DOCK4: variants seen among roughly 807,000 people sequenced by gnomAD.
DOCK4 encodes dedicator of cytokinesis protein 4.
DOCK4 carries 97 observed loss-of-function variants against 268.1 expected under a neutral mutation model. That is an observed-to-expected ratio of 0.36 (90% CI 0.31 to 0.43). DOCK4 has a LOEUF of 0.43. Ranked by LOEUF, DOCK4 falls within the 20% of genes least tolerant of loss-of-function variation. The pLI is 1.00. For synonymous variants in DOCK4, 954 were observed against 887.2 expected, an observed-to-expected ratio of 1.08 and a Z score of -1.34; for missense variants, 2,145 against 2,455.7, an observed-to-expected ratio of 0.87 and a Z score of 2.67.
intron 15 of DOCK4, among the ~76,000 whole-genome samples, chr7:111,897,885 C>A (rs1210647804): frequency 6.6e-6 from 1 of 152,236 alleles, no homozygotes; most frequent in African/African-American, 2.4e-5. Context: ...ATGATCACTT[C>A]ATTCTCAGGC....
At position 111,728,632 on chromosome 7, in the gene DOCK4, C is replaced by T; in HGVS notation, c.5570G>A (p.Ser1857Asn). 2 of 1,614,018 alleles carry T rather than the reference C, an allele frequency of 1.2e-6. No individual in the cohort carries two copies. The highest frequency in any genetic ancestry group is 1.7e-6 in the Non-Finnish European group (2 of 1,179,890). ...CCGGCTGAGAGAAGAAATCCCACTG[C>T]TGTAGCTGCCCGACAAGACAGGGGA... ...SNSPVLSGSY[S>N]SGISSLSRCS... Residue 1857 changes from serine (S) to asparagine (N), a missense_variant, in exon 53 of 53, where the codon AGC (serine) becomes AAC (asparagine). Around this residue, in one of 2 missense-constraint regions of DOCK4, gnomAD observed 547 missense variants for 469.0 expected, o/e 1.17. Coordinates refer to ENST00000428084, the MANE Select transcript of DOCK4 (RefSeq NM_001363540.2).
intron 1 of DOCK4, among the ~76,000 whole-genome samples, chr7:112,131,913 G>T (rs530522494): frequency 6.6e-6 from 1 of 152,262 alleles, no homozygotes; most frequent in South Asian, 2.1e-4. Flanking sequence ...AGACGCCAGT[G>T]TCCTACAGGG....
At chr7:111,926,666 A>G (rs1793719376) in intron 12 of DOCK4, among the ~76,000 whole-genome samples, 1 of 150,572 alleles carries the variant, frequency 6.6e-6, no homozygotes, top group Non-Finnish European at 1.5e-5. Flanking sequence ...ACTAAAATAC[A>G]ATAAATAAAT....
At chr7:111,800,600 T>G (rs79429060) in intron 30 of DOCK4, among the ~76,000 whole-genome samples, 15,854 of 152,216 alleles carry the variant, frequency 0.1, 1,013 homozygotes, top group Middle Eastern at 0.17. Context: ...TTATGGTCTA[T>G]AGGACCCCCA....
At chr7:111,762,787 G>T (rs1165220108) in intron 39 of DOCK4, among the ~76,000 whole-genome samples, 34 of 19,616 alleles carry the variant, frequency 1.7e-3, no homozygotes, top group East Asian at 6.6e-3. Flanking sequence ...TTTTTTTTTT[G>T]GAGACAGGGT....
At chr7:112,021,106 C>A (rs1224412957) in intron 1 of DOCK4, among the ~76,000 whole-genome samples, 1 of 152,134 alleles carries the variant, frequency 6.6e-6, no homozygotes, top group Non-Finnish European at 1.5e-5. Context: ...AAAGCTGACG[C>A]CCAAAGCCAT....
At position 111,758,706 on chromosome 7, in the gene DOCK4, A is replaced by C; in HGVS notation, c.4247T>G (p.Phe1416Cys). ...REGVPDNIKS[F>C]YKVNHIWKFR... ...TTTCCAGATGTGATTCACTTTATAGAAGCTTTTGATGTTGTCCGGAACACC... is the reference window on the plus strand; with the variant it reads ...TTTCCAGATGTGATTCACTTTATAGCAGCTTTTGATGTTGTCCGGAACACC... The change falls in exon 41 of 53, where the codon TTC becomes TGC. Residue 1416 changes from phenylalanine (F) to cysteine (C), a missense_variant. Phe to Cys is a radical substitution (Grantham distance 205). Coordinates refer to ENST00000428084, the MANE Select transcript of DOCK4 (RefSeq NM_001363540.2). The C allele has an allele frequency of 6.2e-7, 1 of 1,613,930 alleles. No individual in the cohort carries two copies. The highest frequency in any genetic ancestry group is 8.5e-7 in the Non-Finnish European group (1 of 1,179,878).
In DOCK4 at chr7:111,895,677, C is replaced by A; in HGVS notation, c.1522G>T (p.Val508Phe). 1.2e-6 allele frequency: 2 copies of A among 1,613,848 alleles called. No homozygotes were observed. The highest frequency in any genetic ancestry group is 1.7e-6 in the Non-Finnish European group (2 of 1,179,842). The change falls in exon 16 of 53, where the codon GTC becomes TTC. Residue 508 changes from valine (V) to phenylalanine (F), a missense_variant. By Grantham distance (50) the Val-to-Phe change is conservative. Around this residue, in one of 2 missense-constraint regions of DOCK4, gnomAD observed 1,598 missense variants for 1,986.7 expected, o/e 0.80. Coordinates refer to ENST00000428084, the MANE Select transcript of DOCK4 (RefSeq NM_001363540.2). The part of the protein sequence containing the change: ...GEKKLFGFSF[V>F]PLMQEDGRTL... Reference sequence around the variant, plus strand: ...CTACCATCTTCTTGCATCAGAGGGACAAAAGAAAACCCAAACAACTTCTTC... The same window carrying A: ...CTACCATCTTCTTGCATCAGAGGGAAAAAAGAAAACCCAAACAACTTCTTC...
chr7:111,803,403 A>G (rs1800445019), intron 30 of DOCK4, among the ~76,000 whole-genome samples: 1 of 152,134 alleles, frequency 6.6e-6, no homozygotes, highest in African/African-American at 2.4e-5. Flanking sequence ...TACTTTCTCT[A>G]CCTCTAATTG....
At chr7:112,145,364 C>G (rs1358190213) in intron 1 of DOCK4, among the ~76,000 whole-genome samples, 1 of 152,162 alleles carries the variant, frequency 6.6e-6, no homozygotes, top group South Asian at 2.1e-4. Context: ...AACATAGGAA[C>G]ATACACATAC....
At chr7:111,952,967 T>C (rs1796170641) in intron 8 of DOCK4, among the ~76,000 whole-genome samples, 1 of 152,166 alleles carries the variant, frequency 6.6e-6, no homozygotes. Context: ...GACTCACGCC[T>C]GAAATCCCAG....
chr7:112,006,453 C>G (rs1338281264), intron 1 of DOCK4, among the ~76,000 whole-genome samples: 1 of 152,202 alleles, frequency 6.6e-6, no homozygotes, highest in East Asian at 1.9e-4. Context: ...TTGTTTAAAA[C>G]TGGGATGACA....
intron 12 of DOCK4, among the ~76,000 whole-genome samples, chr7:111,920,884 G>C (rs1001410979): frequency 6.6e-6 from 1 of 151,934 alleles, no homozygotes; most frequent in African/African-American, 2.4e-5. Flanking sequence ...GAATTGGAAA[G>C]CTTAGGAAAT....
intron 12 of DOCK4, among the ~76,000 whole-genome samples, chr7:111,916,954 CA>C (rs1187013301): frequency 6.7e-6 from 1 of 149,812 alleles, no homozygotes; most frequent in Non-Finnish European, 1.5e-5. Flanking sequence ...TTTTATCCCT[CA>C]CCCACCTCCC....
chr7:112,074,656 C>A (rs921355999), intron 1 of DOCK4, among the ~76,000 whole-genome samples: 1 of 152,204 alleles, frequency 6.6e-6, no homozygotes, highest in African/African-American at 2.4e-5. Flanking sequence ...CCAGGCAACA[C>A]TTCATCTGGG....
intron 1 of DOCK4, among the ~76,000 whole-genome samples, chr7:112,041,313 G>T (rs894100175): frequency 6.6e-6 from 1 of 152,126 alleles, no homozygotes; most frequent in Non-Finnish European, 1.5e-5. Context: ...GAAGGAATAC[G>T]GGAGAGAAGA....
At chr7:112,150,089 T>A (rs746896223) in intron 1 of DOCK4, among the ~76,000 whole-genome samples, 18 of 152,182 alleles carry the variant, frequency 1.2e-4, no homozygotes, top group Admixed American at 3.9e-4. Flanking sequence ...AGAAGTAATG[T>A]TCCTAAAATA....
intron 1 of DOCK4, among the ~76,000 whole-genome samples, chr7:112,110,190 C>T (rs1811524136): frequency 6.6e-6 from 1 of 152,198 alleles, no homozygotes; most frequent in Non-Finnish European, 1.5e-5. Flanking sequence ...ATTATCCTAA[C>T]AGATAACTTC....
Position 111,728,645 on chromosome 7 carries a change from A to C in DOCK4, c.5557T>G (p.Ser1853Ala). The change falls in exon 53 of 53, where the codon TCG becomes GCG. Residue 1853 changes from serine to alanine, a missense_variant. Ser to Ala is a moderately conservative substitution (Grantham distance 99). This residue lies in a region of DOCK4 where 547 missense variants were observed against 469.0 expected (regional missense o/e 1.17). Coordinates refer to ENST00000428084, the MANE Select transcript of DOCK4 (RefSeq NM_001363540.2). ...PGLISNSPVL[S>A]GSYSSGISSL... ...GAAATCCCACTGCTGTAGCTGCCCG[A>C]CAAGACAGGGGAGTTGGAGATGAGT... The C allele has an allele frequency of 6.2e-7, 1 of 1,614,016 alleles. No homozygotes were observed. Among genetic ancestry groups the C allele is most frequent in the Non-Finnish European group, 8.5e-7 (1 of 1,179,888 alleles).
Sources: gnomAD v4.1 joint callset for allele counts (sites outside exome capture counted in the v4.1 genomes callset) on GRCh38, gnomAD v4.1.1 for gene constraint, gnomAD v4.1.1 regional missense constraint, MANE v1.5 for transcripts, NCBI Gene and HGNC (gene_info 2026-07-23, HGNC 2026-07-21) for gene names.